The following NRXN1 variants were observed in gnomAD, a reference collection of about 807,000 sequenced individuals.
NRXN1 encodes the protein neurexin-1.
A neutral mutation model predicts 150.9 loss-of-function variants in NRXN1; 39 were observed. The observed-to-expected ratio is 0.26, with a 90% confidence interval of 0.20 to 0.34. The LOEUF (loss-of-function observed/expected upper bound fraction) is 0.34. NRXN1 is among the 10% of genes least tolerant of loss of function. The probability of loss-of-function intolerance (pLI) is 1.00; values close to 1 mark genes in which losing one functional copy is unlikely to be tolerated. For missense variants in NRXN1, 1,815 were observed against 1,949.9 expected, an observed-to-expected ratio of 0.93 and a Z score of 1.30; for synonymous variants, 924 against 757.0, an observed-to-expected ratio of 1.22 and a Z score of -3.62.
At chr2:50,850,147 G>A (rs779280397) in intron 5 of NRXN1, among the ~76,000 whole-genome samples, 17 of 151,178 alleles carry the variant, frequency 1.1e-4, no homozygotes, top group Non-Finnish European at 2.2e-4. Context: ...AGGATCACTT[G>A]AGCCCAGGCA....
At position 49,948,081 on chromosome 2, in the gene NRXN1, C is replaced by A. The variant is rs563124420; in HGVS notation, c.4129-4290G>T. ...CATTGGTATTTTGTTGAACTAAGTA[C>A]CATCTTTTACTGTCCAACTTTGACC... On this transcript the variant is annotated intron_variant, in intron 21 of 22. Coordinates refer to ENST00000401669, the MANE Select transcript of NRXN1 (RefSeq NM_001330078.2). 3.9e-5 allele frequency among the ~76,000 whole-genome samples: 6 copies of A among 152,008 alleles called. No homozygotes were observed. In the South Asian group the frequency reaches 1.0e-3, roughly 26 times the overall value.
chr2:50,226,072 A>G (rs1463848632), intron 18 of NRXN1, among the ~76,000 whole-genome samples: 1 of 152,026 alleles, frequency 6.6e-6, no homozygotes, highest in African/African-American at 2.4e-5. Context: ...CAGAAGGCAC[A>G]GTGGTTAAGC....
intron 2 of NRXN1, among the ~76,000 whole-genome samples, chr2:50,953,505 A>C (rs1386419875): frequency 6.6e-6 from 1 of 152,164 alleles, no homozygotes; most frequent in Non-Finnish European, 1.5e-5. Context: ...TTGAAGAAAA[A>C]AGCTACAACA....
In NRXN1 at chr2:50,905,342, T is replaced by C. The variant is rs575007116; in HGVS notation, c.832+16527A>G. On this transcript the variant is annotated intron_variant, in intron 5 of 22. Transcript: ENST00000401669. ...ATAAATCCAGGGTTATAAATGCAGC[T>C]ATTTAAGGAACCTGGTAAGACACAT... is the stretch of plus-strand genomic sequence containing the variant. Among the ~76,000 whole-genome samples the C allele has an allele frequency of 3.3e-5, 5 of 152,250 alleles. No homozygotes were observed. In the East Asian group the frequency reaches 9.7e-4, roughly 30 times the overall value.
intron 5 of NRXN1, among the ~76,000 whole-genome samples, chr2:50,886,009 T>C (rs540783234): frequency 4.6e-5 from 7 of 151,554 alleles, no homozygotes; most frequent in African/African-American, 1.4e-4. Flanking sequence ...AACTCTGTAA[T>C]TTGGTTTGAA....
chr2:50,256,566 T>C (rs903564822), intron 17 of NRXN1, among the ~76,000 whole-genome samples: 5 of 152,134 alleles, frequency 3.3e-5, no homozygotes, highest in Non-Finnish European at 7.4e-5. Context: ...TTTCACAAAG[T>C]TTCTGTTGTC....
intron 18 of NRXN1, among the ~76,000 whole-genome samples, chr2:50,103,326 A>G (rs1020516123): frequency 2.0e-5 from 3 of 152,098 alleles, no homozygotes; most frequent in African/African-American, 7.2e-5. Flanking sequence ...GTAAAGAGTT[A>G]TCCATAAAAT....
intron 19 of NRXN1, among the ~76,000 whole-genome samples, chr2:50,062,056 AAACAAG>A (rs1474297194): frequency 6.6e-6 from 1 of 152,176 alleles, no homozygotes; most frequent in Non-Finnish European, 1.5e-5. Context: ...TTAATACTTC[AAACAAG>A]TTTCCTGGGG....
chr2:50,445,000 A>T (rs2086276233), intron 17 of NRXN1, among the ~76,000 whole-genome samples: 1 of 152,176 alleles, frequency 6.6e-6, no homozygotes, highest in African/African-American at 2.4e-5. Context: ...TTATAATTTA[A>T]CACCAAAATA....
At chr2:50,000,259 G>A (rs1683681561) in intron 21 of NRXN1, among the ~76,000 whole-genome samples, 1 of 152,098 alleles carries the variant, frequency 6.6e-6, no homozygotes, top group African/African-American at 2.4e-5. Context: ...TCTTTCCAAT[G>A]GCAGACAGAA....
chr2:50,274,121 C>T (rs968099482), intron 17 of NRXN1, among the ~76,000 whole-genome samples: 1 of 152,094 alleles, frequency 6.6e-6, no homozygotes, highest in African/African-American at 2.4e-5. Flanking sequence ...GACTTGGCAC[C>T]AACCGAAATG....
At chr2:49,960,923 A>C (rs1675827784) in intron 21 of NRXN1, among the ~76,000 whole-genome samples, 1 of 152,192 alleles carries the variant, frequency 6.6e-6, no homozygotes. Context: ...TAATTGGGTA[A>C]GTTTTAAAGC....
intron 2 of NRXN1, chr2:50,979,169 T>A (rs998356398): frequency 2.1e-6 from 1 of 480,884 alleles, no homozygotes; most frequent in African/African-American, 2.0e-5. Flanking sequence ...ATAACTTACA[T>A]GGTCATCGTA....
intron 2 of NRXN1, among the ~76,000 whole-genome samples, chr2:50,981,457 CAAAAA>C (rs70958635): frequency 4.3e-5 from 1 of 23,272 alleles, no homozygotes; most frequent in Non-Finnish European, 7.4e-5. Flanking sequence ...AACTCTATCT[CAAAAA>C]AAAAAAAAAA....
chr2:50,528,051 T>C (rs2093002995), intron 12 of NRXN1, among the ~76,000 whole-genome samples: 1 of 152,214 alleles, frequency 6.6e-6, no homozygotes, highest in South Asian at 2.1e-4. Context: ...TTCAGACTCA[T>C]CAGTTTGCAT....
chr2:50,639,328 C>T (rs1683726481), intron 5 of NRXN1, among the ~76,000 whole-genome samples: 1 of 150,030 alleles, frequency 6.7e-6, no homozygotes, highest in Non-Finnish European at 1.5e-5. Context: ...TCAAGCGATT[C>T]TCCTGCCTCA....
At chr2:50,715,297 G>A (rs933817954) in intron 5 of NRXN1, among the ~76,000 whole-genome samples, 3 of 151,980 alleles carry the variant, frequency 2.0e-5, no homozygotes, top group African/African-American at 7.3e-5. Flanking sequence ...ATGGGATTTC[G>A]GGTTATCCCT....
chr2:50,473,598 T>A (rs1348914330), intron 15 of NRXN1, among the ~76,000 whole-genome samples: 1 of 152,056 alleles, frequency 6.6e-6, no homozygotes, highest in African/African-American at 2.4e-5. Flanking sequence ...TCATTTGAAC[T>A]TTCTTTCTCA....
chr2:50,940,410 G>A (rs564586974), intron 2 of NRXN1, among the ~76,000 whole-genome samples: 2 of 151,600 alleles, frequency 1.3e-5, no homozygotes, highest in Admixed American at 6.6e-5. Context: ...GGGAGGTGGA[G>A]GTTGCAGTGA....
Sources: gnomAD v4.1 joint callset for allele counts (sites outside exome capture counted in the v4.1 genomes callset) on GRCh38, gnomAD v4.1.1 for gene constraint, MANE v1.5 for transcripts, NCBI Gene and HGNC (gene_info 2026-07-23, HGNC 2026-07-21) for gene names.